EGFLAM: variants seen among roughly 807,000 people sequenced by gnomAD.
The protein encoded by EGFLAM is EGF like, fibronectin type III and laminin G domains.
In EGFLAM, 79 loss-of-function variants were observed where a neutral mutation model predicts 113.1. The ratio of observed to expected loss-of-function variants is 0.70; its 90% CI spans 0.58 to 0.84. EGFLAM has a LOEUF of 0.84. Among genes scored for constraint, EGFLAM ranks in the 40% least tolerant of loss-of-function variants. The pLI is 0.00. For synonymous variants in EGFLAM, 504 were observed against 487.6 expected (o/e 1.03, Z -0.44); for missense variants, 1,265 against 1,291.6 (o/e 0.98, Z 0.32).
intron 17 of EGFLAM, among the ~76,000 whole-genome samples, chr5:38,447,313 G>A (rs1269707329): frequency 6.6e-6 from 1 of 152,216 alleles, no homozygotes; most frequent in Non-Finnish European, 1.5e-5. Flanking sequence ...GAGCTGGTCA[G>A]TTTCAAGGCC....
chr5:38,314,252 C>T, intron 1 of EGFLAM, among the ~76,000 whole-genome samples: 1 of 152,298 alleles, frequency 6.6e-6, no homozygotes, highest in African/African-American at 2.4e-5. Context: ...TTCATCCATT[C>T]CCCATTTATC....
chr5:38,395,945 G>A (rs1740948396), intron 6 of EGFLAM, among the ~76,000 whole-genome samples: 4 of 151,996 alleles, frequency 2.6e-5, no homozygotes. Context: ...ACACAAACGT[G>A]TGTTCTCTAC....
In EGFLAM at chr5:38,385,167, C is replaced by T. The variant is rs189205577; in HGVS notation, c.712+14705C>T. 7.2e-5 allele frequency among the ~76,000 whole-genome samples: 11 copies of T among 152,054 alleles called. 1 individual carries two copies. Among genetic ancestry groups the T allele is most frequent in the African/African-American group, 2.6e-4 (11 of 41,518 alleles). ...CAACTATTTATCAAACTTTTTTGGA[C>T]TACCACTTATAATAAGTGTATGCAA... is the stretch of plus-strand genomic sequence containing the variant. On this transcript the variant is annotated intron_variant, in intron 6 of 21. Coordinates refer to ENST00000322350, the MANE Select transcript of EGFLAM (RefSeq NM_152403.4).
Position 38,427,242 on chromosome 5 carries a change from G to T in EGFLAM, c.2044G>T (p.Gly682Cys), listed in dbSNP as rs372653558. 2.5e-6 allele frequency: 4 copies of T among 1,613,686 alleles called. No individual in the cohort carries two copies. The highest frequency in any genetic ancestry group is 3.3e-5 in the Admixed American group (2 of 59,980). ...EFRFDCGSGT[G>C]VLRSEDPLTL... ...CCGCTTTGACTGTGGCTCTGGGACC[G>T]GTGTCCTCAGGTGAGGGCTGAAAAC... is the stretch of plus-strand genomic sequence containing the variant. Residue 682 changes from glycine to cysteine, a missense_variant, in exon 14 of 22, where the codon GGT (glycine) becomes TGT (cysteine). Transcript: ENST00000322350.
intron 1 of EGFLAM, among the ~76,000 whole-genome samples, chr5:38,307,256 A>G (rs184599882): frequency 1.3e-5 from 2 of 152,302 alleles, no homozygotes; most frequent in Non-Finnish European, 2.9e-5. Context: ...GTATCTTGAT[A>G]TGGTTTGATT....
chr5:38,345,099 G>C (rs114389019), intron 3 of EGFLAM, among the ~76,000 whole-genome samples: 138 of 152,304 alleles, frequency 9.1e-4, no homozygotes, highest in African/African-American at 3.2e-3. Flanking sequence ...TAGTGATGCT[G>C]TGTCTACGAG....
chr5:38,442,330 ATAT>A (rs1267522972), intron 17 of EGFLAM, among the ~76,000 whole-genome samples: 10 of 147,942 alleles, frequency 6.8e-5, no homozygotes, highest in Admixed American at 4.1e-4. Context: ...TAATATCAAT[ATAT>A]TATTTGATTT....
In EGFLAM at chr5:38,407,042, A is replaced by C. The variant is rs138775891; in HGVS notation, c.1043A>C (p.Asp348Ala). The change falls in exon 8 of 22, where the codon GAT (aspartate) becomes GCT (alanine). Residue 348 changes from aspartate (D) to alanine (A), a missense_variant. Asp to Ala is a moderately radical substitution (Grantham distance 126). Transcript: ENST00000322350. ...TCAAGGCTCTTTGACATGCCTTGTG[A>C]TGAAACTCTCTGCTCTGCTGACAGC... ...IMSRLFDMPCDETLCSADSFC... is the reference protein window; with the variant it reads ...IMSRLFDMPCAETLCSADSFC... The C allele has an allele frequency of 1.4e-5, 23 of 1,614,070 alleles. No individual in the cohort carries two copies. In the African/African-American group the frequency reaches 2.9e-4, roughly 21 times the overall value.
At chr5:38,319,944 AT>A (rs1322500855) in intron 1 of EGFLAM, among the ~76,000 whole-genome samples, 3 of 152,248 alleles carry the variant, frequency 2.0e-5, no homozygotes, top group African/African-American at 7.2e-5. Context: ...GCCTAGGGGC[AT>A]CCTCTCCAAT....
chr5:38,435,587 G>T (rs1005374879), intron 16 of EGFLAM, among the ~76,000 whole-genome samples: 2 of 152,096 alleles, frequency 1.3e-5, no homozygotes, highest in Non-Finnish European at 2.9e-5. Context: ...GAAGGAGGTG[G>T]ACGGAGGTGA....
intron 1 of EGFLAM, among the ~76,000 whole-genome samples, chr5:38,307,288 A>T (rs1057302129): frequency 2.6e-5 from 4 of 152,168 alleles, no homozygotes; most frequent in African/African-American, 9.7e-5. Context: ...CCCAAATCTC[A>T]TCTTGAATTG....
At position 38,298,857 on chromosome 5, in the gene EGFLAM, T is replaced by C. The variant is rs1015981359; in HGVS notation, c.98-38663T>C. Among the ~76,000 whole-genome samples, 3 of 152,072 alleles carry C rather than the reference T, an allele frequency of 2.0e-5. No homozygotes were observed. The East Asian group carries it at 5.8e-4, about 29-fold the overall frequency. On this transcript the variant is annotated intron_variant, in intron 1 of 21. Coordinates refer to ENST00000322350, the MANE Select transcript of EGFLAM (RefSeq NM_152403.4). ...CTGGGACCACAGGCGCACACCACCATGCCCAGCTAATTTTTGTATTCTTTA... is the reference window on the plus strand; with the variant it reads ...CTGGGACCACAGGCGCACACCACCACGCCCAGCTAATTTTTGTATTCTTTA...
intron 4 of EGFLAM, 148 bp from the exon 5 acceptor site, chr5:38,352,047 CA>C (rs543167612): frequency 3.8e-6 from 4 of 1,059,116 alleles, no homozygotes; most frequent in Non-Finnish European, 5.4e-6. Context: ...CTGTTCTGAA[CA>C]GAGATATTTT....
chr5:38,406,069 A>T, intron 6 of EGFLAM, 57 bp from the exon 7 acceptor site: 1 of 1,378,600 alleles, frequency 7.3e-7, no homozygotes, highest in Non-Finnish European at 1.0e-6. Context: ...GTTAGGCTAG[A>T]CAATAGTGCA....
At position 38,337,532 on chromosome 5, in the gene EGFLAM, C is replaced by G. The variant is rs1248207879; in HGVS notation, c.110C>G (p.Pro37Arg). The change falls in exon 2 of 22, where the codon CCT (proline) becomes CGT (arginine). Residue 37 changes from proline to arginine, a missense_variant. By Grantham distance (103) the Pro-to-Arg change is moderately radical. Transcript: ENST00000322350. ...TGTTTGGGGGCAGGCAAGGTAGGGC[C>G]TCCTCTTGACATCAAGCTGGGCGCA... ...AAIRKPGKVG[P>R]PLDIKLGALN... 3.7e-6 allele frequency: 6 copies of G among 1,600,260 alleles called. No homozygotes were observed. The highest frequency in any genetic ancestry group is 5.1e-6 in the Non-Finnish European group (6 of 1,171,832).
chr5:38,407,548 C>T lies in EGFLAM; in HGVS notation c.1148-257C>T, dbSNP rs58842607. Among the ~76,000 whole-genome samples, 1,502 of 152,248 alleles carry T rather than the reference C, an allele frequency of 9.9e-3. 31 individuals are homozygous for T. Among genetic ancestry groups the T allele is most frequent in the African/African-American group, 0.034 (1,393 of 41,546 alleles). On this transcript the variant is annotated intron_variant, in intron 8 of 21. Transcript: ENST00000322350. The stretch of plus-strand genomic sequence containing the variant: ...ATAGCTGAGGGCAAGTGACAGTGGC[C>T]CTAATGCCATTGGTTTCTTCTTAGG...
intron 1 of EGFLAM, chr5:38,282,680 A>T (rs1400739385): frequency 6.6e-6 from 1 of 152,214 alleles, no homozygotes; most frequent in Non-Finnish European, 1.5e-5. Flanking sequence ...TTATTTAGAA[A>T]CTTAAGACTG....
intron 15 of EGFLAM, among the ~76,000 whole-genome samples, chr5:38,432,888 A>G (rs1214849659): frequency 1.3e-5 from 2 of 152,202 alleles, no homozygotes; most frequent in East Asian, 1.9e-4. Flanking sequence ...CATGAAACCA[A>G]TACGGTGACA....
intron 11 of EGFLAM, among the ~76,000 whole-genome samples, chr5:38,417,106 C>A (rs547544519): frequency 2.6e-5 from 4 of 152,152 alleles, no homozygotes; most frequent in Non-Finnish European, 5.9e-5. Context: ...GTAATCCCAG[C>A]ACTTTGGGAG....
Sources: allele counts gnomAD v4.1 joint callset (sites outside exome capture counted in the v4.1 genomes callset), GRCh38; gene constraint gnomAD v4.1.1; transcripts MANE v1.5; gene names NCBI Gene and HGNC (gene_info 2026-07-23, HGNC 2026-07-21).